The following GCN1 variants were observed in gnomAD, a reference collection of about 807,000 sequenced individuals.
GCN1 encodes the protein GCN1 activator of EIF2AK4, also known as stalled ribosome sensor GCN1.
Under a neutral mutation model 288.4 loss-of-function variants are expected in GCN1, and 90 were observed. That is an observed-to-expected ratio of 0.31 (90% CI 0.26 to 0.37). The LOEUF (loss-of-function observed/expected upper bound fraction) is 0.37. Among genes scored for constraint, GCN1 ranks in the 10% least tolerant of loss-of-function variants. The pLI is 1.00. For synonymous variants in GCN1, 1,386 were observed against 1,420.2 expected, an observed-to-expected ratio of 0.98 and a Z score of 0.54; for missense variants, 2,586 against 3,419.9, an observed-to-expected ratio of 0.76 and a Z score of 6.08.
At chr12:120,129,535 C>A (rs750293697) in intron 56 of GCN1, 41 bp from the exon 57 acceptor site, 9 of 1,447,204 alleles carry the variant, frequency 6.2e-6, no homozygotes, top group Admixed American at 1.7e-5. Context: ...ATAGGCATGT[C>A]ATCTATTCCT....
In GCN1 at chr12:120,128,775, C is replaced by T. The variant is rs9804915; in HGVS notation, c.7890+501G>A. On this transcript the variant is annotated intron_variant, in intron 57 of 57. Coordinates refer to ENST00000300648, the MANE Select transcript of GCN1 (RefSeq NM_006836.2). ...TTTTATTTGAAGAAAGGGCCCTGCTCGGAAAGAAGTCTGAAAACCATGGGA... is the reference window on the plus strand; with the variant it reads ...TTTTATTTGAAGAAAGGGCCCTGCTTGGAAAGAAGTCTGAAAACCATGGGA... Among the ~76,000 whole-genome samples the T allele has an allele frequency of 4.0e-3, 607 of 150,022 alleles. 1 individual carries two copies. The highest frequency in any genetic ancestry group is 0.014 in the African/African-American group (563 of 40,624).
rs887976408 is a variant in GCN1, at chr12:120,137,100, G to A, written c.6777+106C>T. 2.4e-5 allele frequency: 19 copies of A among 790,014 alleles called. No individual in the cohort carries two copies. The highest frequency in any genetic ancestry group is 1.5e-4 in the East Asian group (6 of 40,884). The allele number at this position is 790,014 out of a possible 1,614,324, so 48.9% of individuals were successfully genotyped here. A position where few individuals can be genotyped will look rare whatever the true frequency, so the allele number is the denominator to read the frequency against. On this transcript the variant is annotated intron_variant, in intron 50 of 57. Transcript: ENST00000300648. The surrounding 1 kb of genome is among the most constrained non-coding windows in gnomAD (Gnocchi z 5.2). ...GAAGGTGCTGAACACCAACCACCAC[G>A]GCTACTGCTCCAGCAGCCCCTACCG... is the stretch of plus-strand genomic sequence containing the variant.
chr12:120,188,759 G>A (rs116877194), intron 2 of GCN1, among the ~76,000 whole-genome samples: 9,798 of 150,062 alleles, frequency 0.065, 438 homozygotes, highest in Non-Finnish European at 0.097. Flanking sequence ...TGAGGCAGAA[G>A]AATGATATGA....
Position 120,162,124 on chromosome 12 carries a change from C to T in GCN1, c.2164-66G>A, listed in dbSNP as rs1032755891. ...TGGCACTGGCAAGAGGTCCACCACA[C>T]CTGAATGCCCCTAGCACTGGCTCCC... On this transcript the variant is annotated intron_variant, in intron 20 of 57. Transcript: ENST00000300648. 2.0e-5 allele frequency: 26 copies of T among 1,310,260 alleles called. No individual in the cohort carries two copies. In the East Asian group the frequency reaches 4.8e-4, roughly 24 times the overall value. 81.2% of individuals were successfully genotyped at this position (1,310,260 alleles called of 1,614,324 possible).
chr12:120,157,176 C>T (rs545804752), intron 26 of GCN1, 184 bp from the exon 27 acceptor site: 72 of 499,262 alleles, frequency 1.4e-4, no homozygotes, highest in African/African-American at 1.3e-3. Context: ...AACCATGATC[C>T]TCAGGAACTA....
In GCN1 at chr12:120,155,095, A is replaced by G. The variant is rs988552112; in HGVS notation, c.3631-55T>C. 15 of 1,549,764 alleles carry G rather than the reference A, an allele frequency of 9.7e-6. No homozygotes were observed. In the African/African-American group the frequency reaches 1.9e-4, roughly 20 times the overall value. On this transcript the variant is annotated intron_variant, in intron 30 of 57. Coordinates refer to ENST00000300648, the MANE Select transcript of GCN1 (RefSeq NM_006836.2). The surrounding 1 kb of genome is among the most constrained non-coding windows in gnomAD (Gnocchi z 4.9). ...CAACGGGCAGATCAATGACCTGGGC[A>G]CCAGGATTGTGAGGCAGGAAACTAG...
At position 120,137,277 on chromosome 12, in the gene GCN1, G is replaced by A. The variant is rs200367254; in HGVS notation, c.6706C>T (p.His2236Tyr). 3.2e-4 allele frequency: 519 copies of A among 1,614,138 alleles called. 2 individuals are homozygous for A. Among genetic ancestry groups the A allele is most frequent in the Non-Finnish European group, 1.0e-4 (118 of 1,180,014 alleles). ...TTCCCTATGAGCCGGATTTCCTTGT[G>A]CAGCTCTTCAATGAGTGCCAACTGG... is the stretch of plus-strand genomic sequence containing the variant. ...GNQLALIEEL[H>Y]KEIRLIGNES... The change falls in exon 50 of 58, where the codon CAC (histidine) becomes TAC (tyrosine). Residue 2236 changes from histidine to tyrosine, a missense_variant. Around this residue, in one of 8 missense-constraint regions of GCN1, gnomAD observed 437 missense variants for 570.5 expected, o/e 0.77. Transcript: ENST00000300648. The surrounding 1 kb of genome is among the most constrained non-coding windows in gnomAD (Gnocchi z 5.2).
chr12:120,127,902 G>T lies in GCN1; in HGVS notation c.7963C>A (p.Leu2655Met). The change falls in exon 58 of 58, where the codon CTG (leucine) becomes ATG (methionine). Residue 2655 changes from leucine to methionine, a missense_variant. Leu to Met is a conservative substitution (Grantham distance 15). Transcript: ENST00000300648. ...NEVNRRSLKK[L>M]ASQADSTEQV... ...TCCGTGGAGTCGGCCTGGCTGGCCA[G>T]CTTCTTCAGGGACCTTCGGTTAACC... is the stretch of plus-strand genomic sequence containing the variant. 2 of 1,614,174 alleles carry T rather than the reference G, an allele frequency of 1.2e-6. No individual in the cohort carries two copies. The highest frequency in any genetic ancestry group is 1.7e-6 in the Non-Finnish European group (2 of 1,179,972).
intron 16 of GCN1, 67 bp downstream of exon 16, chr12:120,168,141 C>T: frequency 1.0e-6 from 1 of 977,104 alleles, no homozygotes; most frequent in Non-Finnish European, 1.7e-6. Context: ...AGAAAGGGTC[C>T]TCTCTGAAGA....
In GCN1 at chr12:120,134,219, A is replaced by T. The variant is rs558920747; in HGVS notation, c.7317+72T>A. On this transcript the variant is annotated intron_variant, in intron 53 of 57. Transcript: ENST00000300648. This position sits in a 1 kb window ranked among gnomAD's most constrained non-coding sequence, Gnocchi z 5.0. ...GCTGTACTGGTTCTAACACAAAGTGAAGAACTCAACCTAAGGAGGAGGAGG... is the reference window on the plus strand; with the variant it reads ...GCTGTACTGGTTCTAACACAAAGTGTAGAACTCAACCTAAGGAGGAGGAGG... 6.0e-5 allele frequency: 59 copies of T among 975,908 alleles called. No homozygotes were observed. The East Asian group carries it at 1.3e-3, about 21-fold the overall frequency. 60.5% of individuals were successfully genotyped at this position (975,908 alleles called of 1,614,324 possible). A position where few individuals can be genotyped will look rare whatever the true frequency, so the allele number is the denominator to read the frequency against.
rs759682111 is a variant in GCN1 at position 120,177,431 on chromosome 12, G to A, written c.838+16C>T. ...AACTCATCTCCCTCCCACCATCCTGGTTGACAGCAACCTACTTTCAATAAC... is the reference window on the plus strand; with the variant it reads ...AACTCATCTCCCTCCCACCATCCTGATTGACAGCAACCTACTTTCAATAAC... On this transcript the variant is annotated intron_variant, in intron 9 of 57. Transcript: ENST00000300648. The A allele has an allele frequency of 8.2e-6, 11 of 1,339,628 alleles. No individual in the cohort carries two copies. Among genetic ancestry groups the A allele is most frequent in the African/African-American group, 2.9e-5 (2 of 69,366 alleles). The allele number at this position is 1,339,628 out of a possible 1,614,324, so 83.0% of individuals were successfully genotyped here. A position where few individuals can be genotyped will look rare whatever the true frequency, so the allele number is the denominator to read the frequency against.
Position 120,153,657 on chromosome 12 carries a change from A to C in GCN1, c.3867+87T>G. 1 of 1,309,504 alleles carries C rather than the reference A, an allele frequency of 7.6e-7. No homozygotes were observed. The highest frequency in any genetic ancestry group is 1.1e-6 in the Non-Finnish European group (1 of 927,234). 81.1% of individuals were successfully genotyped at this position (1,309,504 alleles called of 1,614,324 possible). On this transcript the variant is annotated intron_variant, in intron 32 of 57. Transcript: ENST00000300648. The surrounding 1 kb of genome is among the most constrained non-coding windows in gnomAD (Gnocchi z 4.4). ...CACTCAGCATTTCTGGCCCCTGCTC[A>C]GCCCTAGCGCCTGCCTCCCGTGTCT...
chr12:120,181,921 C>T (rs973085842), intron 5 of GCN1, among the ~76,000 whole-genome samples: 3 of 150,506 alleles, frequency 2.0e-5, no homozygotes, highest in Admixed American at 6.6e-5. Flanking sequence ...CTGAGACAGA[C>T]GGATCACCTG....
chr12:120,174,814 T>C (rs1418561994), intron 12 of GCN1, among the ~76,000 whole-genome samples: 1 of 142,686 alleles, frequency 7.0e-6, no homozygotes, highest in East Asian at 2.1e-4. Flanking sequence ...AAAAAAAGCT[T>C]ATCTACTACC....
chr12:120,168,143 C>T (rs1380208531), intron 16 of GCN1, 65 bp downstream of exon 16: 7 of 1,002,432 alleles, frequency 7.0e-6, no homozygotes, highest in Non-Finnish European at 9.6e-6. Context: ...AAAGGGTCCT[C>T]TCTGAAGATT....
Position 120,158,807 on chromosome 12 carries a change from T to C in GCN1, c.2750-192A>G, listed in dbSNP as rs984937882. ...GCGGGCGGATCATGAGGTCAGGAGATTGAGACCATCCTGGCTAACACGGTG... is the reference window on the plus strand; with the variant it reads ...GCGGGCGGATCATGAGGTCAGGAGACTGAGACCATCCTGGCTAACACGGTG... On this transcript the variant is annotated intron_variant, in intron 24 of 57. Transcript: ENST00000300648. This position sits in a 1 kb window ranked among gnomAD's most constrained non-coding sequence, Gnocchi z 4.3. 6.6e-6 allele frequency among the ~76,000 whole-genome samples: 1 copy of C among 152,024 alleles called. No individual in the cohort carries two copies. The highest frequency in any genetic ancestry group is 1.5e-5 in the Non-Finnish European group (1 of 68,004).
At chr12:120,175,628 TG>T in intron 11 of GCN1, 117 bp downstream of exon 11, 1 of 1,066,052 alleles carries the variant, frequency 9.4e-7, no homozygotes, top group Non-Finnish European at 1.4e-6. Flanking sequence ...GACGTCCCCC[TG>T]GCCACACAGC....
At position 120,172,028 on chromosome 12, in the gene GCN1, T is replaced by C. The variant is rs557232632; in HGVS notation, c.1366+1625A>G. On this transcript the variant is annotated intron_variant, in intron 14 of 57. Transcript: ENST00000300648. ...AGGCATGTACCACCATGCCCAGCTA[T>C]TTTTTTAATTTTTTTGTAGAGATGG... 4.6e-3 allele frequency among the ~76,000 whole-genome samples: 693 copies of C among 151,992 alleles called. 1 individual carries two copies. The highest frequency in any genetic ancestry group is 6.7e-3 in the Non-Finnish European group (457 of 67,960).
Position 120,156,755 on chromosome 12 carries a change from T to C in GCN1, c.3169-151A>G. 1 of 939,282 alleles carries C rather than the reference T, an allele frequency of 1.1e-6. No individual in the cohort carries two copies. The highest frequency in any genetic ancestry group is 1.5e-5 in the South Asian group (1 of 65,890). The allele number at this position is 939,282 out of a possible 1,614,324, so 58.2% of individuals were successfully genotyped here. A position where few individuals can be genotyped will look rare whatever the true frequency, so the allele number is the denominator to read the frequency against. On this transcript the variant is annotated intron_variant, in intron 27 of 57. Coordinates refer to ENST00000300648, the MANE Select transcript of GCN1 (RefSeq NM_006836.2). This position sits in a 1 kb window ranked among gnomAD's most constrained non-coding sequence, Gnocchi z 5.8. Reference sequence around the variant, plus strand: ...GCAGGACCCAAGCAAAACCCCTCACTAGCTAACAACAGTCAGGCTGGCTCT... The same window carrying C: ...GCAGGACCCAAGCAAAACCCCTCACCAGCTAACAACAGTCAGGCTGGCTCT...
Sources: allele counts gnomAD v4.1 joint callset (sites outside exome capture counted in the v4.1 genomes callset), GRCh38; gene constraint gnomAD v4.1.1; regional missense constraint gnomAD v4.1.1; non-coding constraint Gnocchi (gnomAD v3.1); transcripts MANE v1.5; gene names NCBI Gene and HGNC (gene_info 2026-07-23, HGNC 2026-07-21).